UBXN2A: variants seen among roughly 807,000 people sequenced by gnomAD.
The protein encoded by UBXN2A is UBX domain protein 2A.
Under a neutral mutation model 28.4 loss-of-function variants are expected in UBXN2A, and 28 were observed. That is an observed-to-expected ratio of 0.99 (90% CI 0.73 to 1.35). The LOEUF is 1.35. Ranked by LOEUF, UBXN2A falls within the 40% of genes most tolerant of loss-of-function variation. The probability of loss-of-function intolerance (pLI) is 0.00; values close to 1 mark genes in which losing one functional copy is unlikely to be tolerated. For missense variants in UBXN2A, 253 were observed against 297.9 expected (o/e 0.85, Z 1.11); for synonymous variants, 97 against 103.6 (o/e 0.94, Z 0.39).
At chr2:23,933,282 G>GTTC (rs1371224571) in intron 1 of UBXN2A, among the ~76,000 whole-genome samples, 2 of 151,934 alleles carry the variant, frequency 1.3e-5, no homozygotes, top group Non-Finnish European at 2.9e-5. Context: ...CAAGGCAGGC[G>GTTC]GATCACCTGA....
chr2:23,942,967 C>CT (rs531627035), intron 1 of UBXN2A, among the ~76,000 whole-genome samples: 8,095 of 145,048 alleles, frequency 0.056, 237 homozygotes, highest in African/African-American at 0.087. Context: ...CTACAAACAA[C>CT]TTTTTTTTTT....
intron 2 of UBXN2A, among the ~76,000 whole-genome samples, chr2:23,967,756 A>G (rs561379532): frequency 1.3e-5 from 2 of 152,258 alleles, no homozygotes; most frequent in Middle Eastern, 3.4e-3. Flanking sequence ...GGGTGTAACT[A>G]TTTCTGTGTA....
At chr2:23,998,501 C>T (rs1369112306) in intron 6 of UBXN2A, among the ~76,000 whole-genome samples, 1 of 152,122 alleles carries the variant, frequency 6.6e-6, no homozygotes, top group Non-Finnish European at 1.5e-5. Context: ...GGGTGGATCA[C>T]CTGAGGTCAG....
At chr2:23,927,771 T>C (rs1705130952) in intron 1 of UBXN2A, among the ~76,000 whole-genome samples, 2 of 151,064 alleles carry the variant, frequency 1.3e-5, no homozygotes, top group South Asian at 4.3e-4. Flanking sequence ...CGCCGCCCCC[T>C]GCCCCCGGCC....
intron 2 of UBXN2A, among the ~76,000 whole-genome samples, chr2:23,966,717 C>T (rs1707191737): frequency 2.8e-5 from 4 of 144,318 alleles, no homozygotes; most frequent in South Asian, 2.2e-4. Flanking sequence ...TCCCAAAGTG[C>T]TAGGATTACA....
intron 6 of UBXN2A, among the ~76,000 whole-genome samples, chr2:23,991,319 C>T (rs985545753): frequency 2.0e-5 from 3 of 151,906 alleles, no homozygotes; most frequent in Admixed American, 6.6e-5. Flanking sequence ...AGATTTTCTT[C>T]GCCCATTGCC....
At position 23,982,650 on chromosome 2, in the gene UBXN2A, C is replaced by G. The variant is rs74460431; in HGVS notation, c.288-246C>G. Among the ~76,000 whole-genome samples, 300 of 152,096 alleles carry G rather than the reference C, an allele frequency of 2.0e-3. 1 individual carries two copies. Among genetic ancestry groups the G allele is most frequent in the African/African-American group, 6.7e-3 (279 of 41,510 alleles). On this transcript the variant is annotated intron_variant, in intron 4 of 6. Coordinates refer to ENST00000309033, the MANE Select transcript of UBXN2A (RefSeq NM_181713.4). Reference sequence around the variant, plus strand: ...AGAAAATTTAAAAAATATATGCTTTCACAATAAAAAATAATAAAAACTGAT... The same window carrying G: ...AGAAAATTTAAAAAATATATGCTTTGACAATAAAAAATAATAAAAACTGAT...
Position 23,971,259 on chromosome 2 carries a change from T to C in UBXN2A, c.42-17T>C. The C allele has an allele frequency of 6.5e-7, 1 of 1,527,244 alleles. No individual in the cohort carries two copies. The highest frequency in any genetic ancestry group is 1.3e-5 in the South Asian group (1 of 75,202). 94.6% of individuals were successfully genotyped at this position (1,527,244 alleles called of 1,614,324 possible). A position where few individuals can be genotyped will look rare whatever the true frequency, so the allele number is the denominator to read the frequency against. ...ACCTAATAGTTAATAGTGCCTGTTT[T>C]TCTTTATCTTGTTTAGGGTTTGTGA... On this transcript the variant is annotated splice_polypyrimidine_tract_variant and intron_variant, in intron 2 of 6. Transcript: ENST00000309033.
chr2:23,993,685 T>G (rs549693993), intron 6 of UBXN2A, among the ~76,000 whole-genome samples: 1 of 140,778 alleles, frequency 7.1e-6, no homozygotes, highest in South Asian at 2.4e-4. Flanking sequence ...TTTTTTTAAT[T>G]TTTTAATTTT....
chr2:23,944,012 C>T (rs1199605260), intron 1 of UBXN2A: 10 of 520,844 alleles, frequency 1.9e-5, no homozygotes, highest in African/African-American at 7.7e-5. Flanking sequence ...TATCTCCCCA[C>T]GTCACTATCT....
At chr2:23,975,763 G>A (rs1573582268) in intron 3 of UBXN2A, among the ~76,000 whole-genome samples, 1 of 152,092 alleles carries the variant, frequency 6.6e-6, no homozygotes, top group East Asian at 1.9e-4. Context: ...CTCAGCCTGG[G>A]ATTACAGGCA....
chr2:23,976,190 A>T lies in UBXN2A; in HGVS notation c.181-779A>T, dbSNP rs568218839. 2.6e-5 allele frequency among the ~76,000 whole-genome samples: 4 copies of T among 152,272 alleles called. No homozygotes were observed. In the South Asian group the frequency reaches 8.3e-4, roughly 32 times the overall value. ...TGTTATTTATATCTGTAAAAGTGTA[A>T]ATACTGTACAGCATAAGCGGGAGCT... On this transcript the variant is annotated intron_variant, in intron 3 of 6. Coordinates refer to ENST00000309033, the MANE Select transcript of UBXN2A (RefSeq NM_181713.4).
chr2:23,971,224 AT>A, intron 2 of UBXN2A, 51 bp from the exon 3 acceptor site: 1 of 1,440,178 alleles, frequency 6.9e-7, no homozygotes. Flanking sequence ...AAATAAGTAA[AT>A]TTTTAGAGAC....
chr2:23,980,502 T>C (rs1707848369), intron 4 of UBXN2A, among the ~76,000 whole-genome samples: 1 of 152,238 alleles, frequency 6.6e-6, no homozygotes. Context: ...TATGTCATTC[T>C]GGTTTTGATT....
At chr2:23,990,092 G>T (rs1708296807) in intron 6 of UBXN2A, among the ~76,000 whole-genome samples, 1 of 151,824 alleles carries the variant, frequency 6.6e-6, no homozygotes, top group Non-Finnish European at 1.5e-5. Context: ...CACTGCTTGG[G>T]CTTTGACTCT....
chr2:23,988,595 C>T (rs1708222175), intron 6 of UBXN2A, among the ~76,000 whole-genome samples: 2 of 152,086 alleles, frequency 1.3e-5, no homozygotes, highest in Admixed American at 1.3e-4. Flanking sequence ...TACATTTGTC[C>T]CATTATGATG....
At chr2:23,941,331 AG>A (rs1393833099) in intron 1 of UBXN2A, among the ~76,000 whole-genome samples, 2 of 152,190 alleles carry the variant, frequency 1.3e-5, no homozygotes, top group African/African-American at 2.4e-5. Context: ...GTTTGTTTTT[AG>A]GGGGGAAACT....
chr2:23,965,869 T>C (rs1707139244), intron 2 of UBXN2A, among the ~76,000 whole-genome samples: 1 of 152,210 alleles, frequency 6.6e-6, no homozygotes, highest in Admixed American at 6.6e-5. Context: ...GGTTATATAT[T>C]ATTGATTTAA....
chr2:23,990,678 G>A (rs1437638290), intron 6 of UBXN2A, among the ~76,000 whole-genome samples: 1 of 151,746 alleles, frequency 6.6e-6, no homozygotes, highest in Non-Finnish European at 1.5e-5. Context: ...GGAGGCTGAA[G>A]CAGGAGAATG....
Sources: allele counts gnomAD v4.1 joint callset (sites outside exome capture counted in the v4.1 genomes callset), GRCh38; gene constraint gnomAD v4.1.1; transcripts MANE v1.5; gene names NCBI Gene and HGNC (gene_info 2026-07-23, HGNC 2026-07-21).